The following COL8A1 variants were observed in gnomAD, a reference collection of about 807,000 sequenced individuals.
The protein encoded by COL8A1 is collagen alpha-1(VIII) chain.
A neutral mutation model predicts 42.7 loss-of-function variants in COL8A1; 21 were observed. The observed-to-expected ratio is 0.49, with a 90% confidence interval of 0.35 to 0.71. The LOEUF is 0.71. Among genes scored for constraint, COL8A1 ranks in the 30% least tolerant of loss-of-function variants. The pLI, the probability that COL8A1 is intolerant of heterozygous loss-of-function variation, is 0.01. For synonymous variants in COL8A1, 367 were observed against 369.1 expected, an observed-to-expected ratio of 0.99 and a Z score of 0.06; for missense variants, 788 against 962.4, an observed-to-expected ratio of 0.82 and a Z score of 2.40.
At position 99,790,746 on chromosome 3, in the gene COL8A1, A is replaced by G. The variant is rs749196557; in HGVS notation, c.64A>G (p.Ile22Val). Residue 22 changes from isoleucine to valine, a missense_variant, in exon 3 of 4, where the codon ATC becomes GTC. Ile to Val is a conservative substitution (Grantham distance 29, BLOSUM62 3). Around this residue, in one of 4 missense-constraint regions of COL8A1, gnomAD observed 421 missense variants for 553.1 expected, o/e 0.76. Coordinates refer to ENST00000652472, the MANE Select transcript of COL8A1 (RefSeq NM_020351.4). ...GCTGCTTACCATTTCCCTGAGTTCC[A>G]TCAGGCTCATTCAGGCTGGTGCCTA... ...GVLLTISLSS[I>V]RLIQAGAYYG... 1.2e-6 allele frequency: 2 copies of G among 1,614,150 alleles called. No homozygotes were observed. Among genetic ancestry groups the G allele is most frequent in the Non-Finnish European group, 1.7e-6 (2 of 1,180,020 alleles).
rs111768614 is a variant in COL8A1 at position 99,649,347 on chromosome 3, T to G, written c.-129+10683T>G. ...TATTTACCTCTGCAACCTCAATGCT[T>G]GGCACATAATAAGGGCTTAATAAAT... is the stretch of plus-strand genomic sequence containing the variant. On this transcript the variant is annotated intron_variant, in intron 1 of 3. Coordinates refer to ENST00000652472, the MANE Select transcript of COL8A1 (RefSeq NM_020351.4). Among the ~76,000 whole-genome samples, 5 of 152,098 alleles carry G rather than the reference T, an allele frequency of 3.3e-5. 1 individual carries two copies. The highest frequency in any genetic ancestry group is 1.2e-4 in the African/African-American group (5 of 41,492).
At chr3:99,710,446 T>C (rs535263770) in intron 1 of COL8A1, among the ~76,000 whole-genome samples, 20 of 152,214 alleles carry the variant, frequency 1.3e-4, no homozygotes, top group Non-Finnish European at 2.6e-4. Flanking sequence ...GGAATGTCAG[T>C]TATGTCCAAA....
chr3:99,718,309 C>A (rs888042518), intron 1 of COL8A1, among the ~76,000 whole-genome samples: 22 of 152,058 alleles, frequency 1.4e-4, no homozygotes, highest in African/African-American at 4.6e-4. Flanking sequence ...TGGAGCAGAA[C>A]ATTGTGATGA....
chr3:99,796,293 C>A lies in COL8A1; in HGVS notation c.*157C>A. 1 of 572,584 alleles carries A rather than the reference C, an allele frequency of 1.7e-6. No individual in the cohort carries two copies. 35.5% of individuals were successfully genotyped at this position (572,584 alleles called of 1,614,324 possible). Reference sequence around the variant, plus strand: ...TTGGACCATTGTGTACAAATAAAAACTAAGATGCATGTTTAATACTCCACA... The same window carrying A: ...TTGGACCATTGTGTACAAATAAAAAATAAGATGCATGTTTAATACTCCACA... On this transcript the variant is annotated 3_prime_UTR_variant, in exon 4 of 4. Coordinates refer to ENST00000652472, the MANE Select transcript of COL8A1 (RefSeq NM_020351.4).
chr3:99,709,248 G>C (rs998122189), intron 1 of COL8A1, among the ~76,000 whole-genome samples: 10 of 152,054 alleles, frequency 6.6e-5, no homozygotes, highest in African/African-American at 2.2e-4. Flanking sequence ...GAATTACCCA[G>C]GGCCTAGGGA....
At chr3:99,641,762 A>C (rs908884546) in intron 1 of COL8A1, among the ~76,000 whole-genome samples, 2 of 151,856 alleles carry the variant, frequency 1.3e-5, no homozygotes, top group East Asian at 3.9e-4. Flanking sequence ...TTCTGCCTTG[A>C]CCTCCTTCTC....
chr3:99,742,239 A>G (rs1272201511), intron 1 of COL8A1, among the ~76,000 whole-genome samples: 1 of 152,196 alleles, frequency 6.6e-6, no homozygotes. Context: ...TTGAAAATTC[A>G]CTTTATAAAT....
chr3:99,674,554 T>C (rs1938637372), intron 1 of COL8A1, among the ~76,000 whole-genome samples: 1 of 152,042 alleles, frequency 6.6e-6, no homozygotes, highest in Non-Finnish European at 1.5e-5. Context: ...GACTCTCTAT[T>C]CTGGCTATGC....
intron 1 of COL8A1, among the ~76,000 whole-genome samples, chr3:99,725,543 C>A (rs180787147): frequency 1.4e-5 from 2 of 148,030 alleles, no homozygotes; most frequent in African/African-American, 4.9e-5. Context: ...TTAGGTATAT[C>A]GCCTAATGCT....
chr3:99,756,040 G>C (rs1415464017), intron 2 of COL8A1, among the ~76,000 whole-genome samples: 2 of 151,958 alleles, frequency 1.3e-5, no homozygotes, highest in Admixed American at 6.6e-5. Flanking sequence ...AAACATGATC[G>C]GTGCCCAGTG....
At chr3:99,649,230 C>A (rs1235637367) in intron 1 of COL8A1, among the ~76,000 whole-genome samples, 1 of 152,098 alleles carries the variant, frequency 6.6e-6, no homozygotes, top group Non-Finnish European at 1.5e-5. Flanking sequence ...ACAAGCCCTG[C>A]CACAGTTGTC....
In COL8A1 at chr3:99,795,368, G is replaced by A. The variant is rs1242529239; in HGVS notation, c.1467G>A (p.Gly489=). 3.2e-6 allele frequency: 5 copies of A among 1,579,934 alleles called. No individual in the cohort carries two copies. In the Admixed American group the frequency reaches 9.2e-5, roughly 29 times the overall value. Residue 489 remains glycine, a synonymous_variant, in exon 4 of 4, where the codon GGG becomes GGA. Coordinates refer to ENST00000652472, the MANE Select transcript of COL8A1 (RefSeq NM_020351.4). ...CTAAGGGAGAGCCAGGAATCCCAGG[G>A]GATCAGGGTTTACAGGGCCCCCCAG... ...LGPKGEPGIP[G]DQGLQGPPGI...
At chr3:99,729,017 G>A (rs1410117973) in intron 1 of COL8A1, among the ~76,000 whole-genome samples, 1 of 151,900 alleles carries the variant, frequency 6.6e-6, no homozygotes, top group East Asian at 1.9e-4. Flanking sequence ...GGTTCATCCA[G>A]TTGTTTCATT....
chr3:99,699,306 T>C (rs1576436940), intron 1 of COL8A1, among the ~76,000 whole-genome samples: 1 of 152,348 alleles, frequency 6.6e-6, no homozygotes, highest in East Asian at 1.9e-4. Context: ...CTCATTAACA[T>C]TTACTTTAGG....
At chr3:99,773,837 ATTTTTTT>A (rs1172723632) in intron 2 of COL8A1, among the ~76,000 whole-genome samples, 4 of 45,394 alleles carry the variant, frequency 8.8e-5, no homozygotes, top group African/African-American at 3.8e-4. Flanking sequence ...ATATATATAT[ATTTTTTT>A]TTTTTTTTTT....
At chr3:99,777,532 ACACAC>A (rs1297798036) in intron 2 of COL8A1, among the ~76,000 whole-genome samples, 4 of 152,208 alleles carry the variant, frequency 2.6e-5, no homozygotes, top group Non-Finnish European at 5.9e-5. Context: ...TGGAATTCAG[ACACAC>A]TTTCTGGTAT....
chr3:99,786,962 T>C (rs1302622372), intron 2 of COL8A1, among the ~76,000 whole-genome samples: 1 of 151,976 alleles, frequency 6.6e-6, no homozygotes, highest in African/African-American at 2.4e-5. Flanking sequence ...CTTGTACAAG[T>C]AGGAGGCACA....
chr3:99,767,885 A>G (rs1022486793), intron 2 of COL8A1, among the ~76,000 whole-genome samples: 1 of 152,238 alleles, frequency 6.6e-6, no homozygotes, highest in African/African-American at 2.4e-5. Context: ...TGAGAAACTA[A>G]TACTAGAAGA....
Position 99,796,045 on chromosome 3 carries a change from T to A in COL8A1, c.2144T>A (p.Phe715Tyr). The A allele has an allele frequency of 6.2e-7, 1 of 1,612,952 alleles. No individual in the cohort carries two copies. Among genetic ancestry groups the A allele is most frequent in the Non-Finnish European group, 8.5e-7 (1 of 1,179,408 alleles). Reference protein sequence around the residue: ...VLLLRPGDRVFLQMPSEQAAG... With the variant: ...VLLLRPGDRVYLQMPSEQAAG... Reference sequence around the variant, plus strand: ...CTGCTCAGGCCCGGAGACCGGGTGTTCCTCCAGATGCCCTCAGAACAGGCT... The same window carrying A: ...CTGCTCAGGCCCGGAGACCGGGTGTACCTCCAGATGCCCTCAGAACAGGCT... The change falls in exon 4 of 4, where the codon TTC (phenylalanine) becomes TAC (tyrosine). Residue 715 changes from phenylalanine (F) to tyrosine (Y), a missense_variant. Physicochemically the swap from Phe to Tyr is conservative, Grantham distance 22. This residue lies in a region of COL8A1 where 212 missense variants were observed against 210.9 expected (regional missense o/e 1.00). Coordinates refer to ENST00000652472, the MANE Select transcript of COL8A1 (RefSeq NM_020351.4).
Sources: gnomAD v4.1 joint callset for allele counts (sites outside exome capture counted in the v4.1 genomes callset) on GRCh38, gnomAD v4.1.1 for gene constraint, gnomAD v4.1.1 regional missense constraint, MANE v1.5 for transcripts, NCBI Gene and HGNC (gene_info 2026-07-23, HGNC 2026-07-21) for gene names.